GABRB1: variants seen among roughly 807,000 people sequenced by gnomAD.
GABRB1 encodes gamma-aminobutyric acid receptor subunit beta-1.
Under a neutral mutation model 51.6 loss-of-function variants are expected in GABRB1, and 17 were observed. That is an observed-to-expected ratio of 0.33 (90% CI 0.23 to 0.49). The LOEUF (loss-of-function observed/expected upper bound fraction) is 0.49, where lower values mean the gene tolerates loss of function less well. GABRB1 is among the 20% of genes least tolerant of loss of function. The probability of loss-of-function intolerance (pLI) is 0.99; values close to 1 mark genes in which losing one functional copy is unlikely to be tolerated. For missense variants in GABRB1, 410 were observed against 600.6 expected (o/e 0.68, Z 3.32); for synonymous variants, 247 against 218.9 (o/e 1.13, Z -1.14).
chr4:47,010,179 A>G (rs1401006670), intron 1 of GABRB1, among the ~76,000 whole-genome samples: 1 of 152,224 alleles, frequency 6.6e-6, no homozygotes, highest in Admixed American at 6.5e-5. Flanking sequence ...TTTAATAAGT[A>G]ATGAAACAAT....
At position 47,050,429 on chromosome 4, in the gene GABRB1, GTA is replaced by G. The variant is rs34799114; in HGVS notation, c.240+17956_240+17957del. Among the ~76,000 whole-genome samples the G allele has an allele frequency of 4.6e-5, 7 of 151,548 alleles. No individual in the cohort carries two copies. In the South Asian group the frequency reaches 1.0e-3, roughly 23 times the overall value. On this transcript the variant is annotated intron_variant, in intron 3 of 8. Transcript: ENST00000295454. ...TCAGGCAACAAATATATGTATATACGTATATATATATACATACATATATTTTT... is the reference window on the plus strand; with the variant it reads ...TCAGGCAACAAATATATGTATATACGTATATATATACATACATATATTTTT...
chr4:47,131,972 G>C (rs1716436386), intron 3 of GABRB1, among the ~76,000 whole-genome samples: 1 of 151,670 alleles, frequency 6.6e-6, no homozygotes, highest in Non-Finnish European at 1.5e-5. Context: ...AATTTAATTT[G>C]ACAATCTGTT....
intron 3 of GABRB1, among the ~76,000 whole-genome samples, chr4:47,157,251 G>A (rs1717748835): frequency 1.3e-5 from 2 of 152,048 alleles, no homozygotes. Flanking sequence ...CACCTAGAAG[G>A]AAAGTAATTT....
intron 5 of GABRB1, among the ~76,000 whole-genome samples, chr4:47,342,035 C>T (rs1383090256): frequency 6.6e-6 from 1 of 152,174 alleles, no homozygotes; most frequent in African/African-American, 2.4e-5. Flanking sequence ...TGAGGTCAAA[C>T]TCACACAGTT....
intron 3 of GABRB1, among the ~76,000 whole-genome samples, chr4:47,150,648 TAC>T (rs148337229): frequency 2.0e-5 from 3 of 149,154 alleles, no homozygotes; most frequent in African/African-American, 7.5e-5. Flanking sequence ...CACATATATA[TAC>T]ACACACACAC....
chr4:47,348,342 G>A (rs151018025), intron 5 of GABRB1, among the ~76,000 whole-genome samples: 3 of 152,346 alleles, frequency 2.0e-5, no homozygotes, highest in Admixed American at 2.0e-4. Context: ...AGTCAGGAAT[G>A]ATGGTGATGC....
In GABRB1 at chr4:47,044,233, C is replaced by T. The variant is rs537587681; in HGVS notation, c.240+11749C>T. On this transcript the variant is annotated intron_variant, in intron 3 of 8. Coordinates refer to ENST00000295454, the MANE Select transcript of GABRB1 (RefSeq NM_000812.4). ...CATCTGTGTTAACGAGGCAAGATGA[C>T]GTTAATATTTTGTAGTTTTAATAAT... Among the ~76,000 whole-genome samples the T allele has an allele frequency of 4.6e-5, 7 of 152,084 alleles. No homozygotes were observed. In the South Asian group the frequency reaches 6.2e-4, roughly 14 times the overall value.
intron 3 of GABRB1, among the ~76,000 whole-genome samples, chr4:47,097,597 C>T (rs555965106): frequency 2.6e-5 from 4 of 152,184 alleles, no homozygotes; most frequent in Non-Finnish European, 5.9e-5. Flanking sequence ...GTAAGTCCAA[C>T]CAGCACATAG....
chr4:47,066,816 A>G (rs1417657186), intron 3 of GABRB1, among the ~76,000 whole-genome samples: 2 of 152,216 alleles, frequency 1.3e-5, no homozygotes, highest in East Asian at 3.9e-4. Context: ...TACTGTTGAT[A>G]TTTTCACCTC....
intron 5 of GABRB1, among the ~76,000 whole-genome samples, chr4:47,399,097 A>G (rs1728292405): frequency 1.3e-5 from 2 of 152,144 alleles, no homozygotes; most frequent in Admixed American, 1.3e-4. Flanking sequence ...GCCCTTTCTC[A>G]TATTTATTGA....
At chr4:47,021,036 A>G (rs1040823693) in intron 1 of GABRB1, among the ~76,000 whole-genome samples, 1 of 152,188 alleles carries the variant, frequency 6.6e-6, no homozygotes, top group African/African-American at 2.4e-5. Context: ...TGCTAACTGC[A>G]GTTCTTTACT....
At chr4:47,384,562 C>T (rs1404669058) in intron 5 of GABRB1, among the ~76,000 whole-genome samples, 1 of 152,040 alleles carries the variant, frequency 6.6e-6, no homozygotes, top group Non-Finnish European at 1.5e-5. Context: ...GAATAGTTTC[C>T]CACATTGAGG....
intron 4 of GABRB1, among the ~76,000 whole-genome samples, chr4:47,231,792 C>T (rs992144278): frequency 6.6e-6 from 1 of 152,098 alleles, no homozygotes; most frequent in Non-Finnish European, 1.5e-5. Flanking sequence ...CCGACACAGG[C>T]GTGGTGAGGA....
intron 4 of GABRB1, among the ~76,000 whole-genome samples, chr4:47,205,079 C>A (rs529142751): frequency 2.6e-5 from 4 of 152,194 alleles, no homozygotes; most frequent in African/African-American, 9.6e-5. Flanking sequence ...TGTATAGAGT[C>A]ACACAGAGGC....
chr4:47,208,756 A>G (rs1425896487), intron 4 of GABRB1, among the ~76,000 whole-genome samples: 1 of 151,974 alleles, frequency 6.6e-6, no homozygotes, highest in Non-Finnish European at 1.5e-5. Flanking sequence ...TTTGCTTCTG[A>G]CTGACTCTTT....
At chr4:47,191,265 T>G (rs1283412672) in intron 4 of GABRB1, among the ~76,000 whole-genome samples, 1 of 151,318 alleles carries the variant, frequency 6.6e-6, no homozygotes, top group Non-Finnish European at 1.5e-5. Flanking sequence ...TCAAGATCCT[T>G]TTTTTCTGTT....
chr4:47,241,513 A>AT (rs956396142), intron 4 of GABRB1, among the ~76,000 whole-genome samples: 22 of 150,886 alleles, frequency 1.5e-4, no homozygotes, highest in South Asian at 6.4e-4. Context: ...AGGCGACATC[A>AT]TTTTTTTTTC....
intron 8 of GABRB1, among the ~76,000 whole-genome samples, chr4:47,415,395 A>C (rs1028629223): frequency 3.3e-5 from 5 of 152,214 alleles, no homozygotes; most frequent in Admixed American, 1.3e-4. Flanking sequence ...TGGTGGTCCC[A>C]AAGTTCCAAG....
chr4:47,417,556 A>T (rs988424382), intron 8 of GABRB1, among the ~76,000 whole-genome samples: 2 of 152,016 alleles, frequency 1.3e-5, no homozygotes, highest in Non-Finnish European at 2.9e-5. Flanking sequence ...ACATTCTATG[A>T]GAGAAATGGG....
Sources: gnomAD v4.1 joint callset for allele counts (sites outside exome capture counted in the v4.1 genomes callset) on GRCh38, gnomAD v4.1.1 for gene constraint, MANE v1.5 for transcripts, NCBI Gene and HGNC (gene_info 2026-07-23, HGNC 2026-07-21) for gene names.